Variants in MSRA observed in about 807,000 individuals in gnomAD.
The protein encoded by MSRA is mitochondrial peptide methionine sulfoxide reductase.
MSRA carries 54 observed loss-of-function variants against 31.3 expected under a neutral mutation model. The ratio of observed to expected loss-of-function variants is 1.73; its 90% CI spans 1.39 to 2.17. The LOEUF is 2.17. Among genes scored for constraint, MSRA ranks in the 30% most tolerant of loss-of-function variants. The pLI is 0.00. For missense variants in MSRA, 507 were observed against 300.9 expected (o/e 1.69, Z -5.07); for synonymous variants, 169 against 116.5 (o/e 1.45, Z -2.90).
At chr8:10,187,201 T>G (rs1486774581) in intron 1 of MSRA, among the ~76,000 whole-genome samples, 2 of 152,192 alleles carry the variant, frequency 1.3e-5, no homozygotes, top group African/African-American at 4.8e-5. Context: ...CCTTTGACAT[T>G]TGGTCTCCAC....
At chr8:10,184,749 A>G (rs753487836) in intron 1 of MSRA, among the ~76,000 whole-genome samples, 4 of 152,190 alleles carry the variant, frequency 2.6e-5, no homozygotes, top group Admixed American at 6.5e-5. Flanking sequence ...GAAGAGATCT[A>G]GATTCAGAAA....
intron 5 of MSRA, among the ~76,000 whole-genome samples, chr8:10,321,570 C>T (rs1373453835): frequency 6.6e-6 from 1 of 152,144 alleles, no homozygotes; most frequent in Non-Finnish European, 1.5e-5. Context: ...TGTAATTCAT[C>T]TCCTTGAATA....
intron 2 of MSRA, among the ~76,000 whole-genome samples, chr8:10,222,981 G>C (rs1039124893): frequency 6.6e-6 from 1 of 152,172 alleles, no homozygotes; most frequent in Admixed American, 6.5e-5. Flanking sequence ...ACATAACAGT[G>C]TTAAGTGTGT....
intron 3 of MSRA, chr8:10,250,320 G>T: frequency 1.5e-6 from 1 of 652,292 alleles, no homozygotes; most frequent in African/African-American, 1.8e-5. Flanking sequence ...AGCATTCTGG[G>T]TTAATTTCAG....
chr8:10,212,176 G>T (rs1422261968), intron 2 of MSRA, among the ~76,000 whole-genome samples: 1 of 150,952 alleles, frequency 6.6e-6, no homozygotes, highest in Non-Finnish European at 1.5e-5. Flanking sequence ...AACAGAGCGA[G>T]ACTCTGTCTA....
intron 2 of MSRA, among the ~76,000 whole-genome samples, chr8:10,233,631 A>G (rs1811684436): frequency 6.6e-6 from 1 of 152,248 alleles, no homozygotes; most frequent in Non-Finnish European, 1.5e-5. Flanking sequence ...TCTGATGCAC[A>G]TAGAGCAGGA....
chr8:10,337,734 C>T (rs1295136269), intron 5 of MSRA: 1 of 702,650 alleles, frequency 1.4e-6, no homozygotes, highest in Non-Finnish European at 2.6e-6. Flanking sequence ...TCTTCCTCAG[C>T]CATGCTGGGG....
Position 10,054,534 on chromosome 8 carries a change from G to A in MSRA, c.18G>A (p.Arg6=), listed in dbSNP as rs745513086. The A allele has an allele frequency of 1.3e-6, 2 of 1,585,410 alleles. No individual in the cohort carries two copies. Among genetic ancestry groups the A allele is most frequent in the Non-Finnish European group, 1.7e-6 (2 of 1,166,404 alleles). Residue 6 remains arginine (R), a synonymous_variant, in exon 1 of 6, where the codon CGG becomes CGA. Coordinates refer to ENST00000317173, the MANE Select transcript of MSRA (RefSeq NM_012331.5). ...GCCCTCCCATGCTCTCGGCCACCCG[G>A]AGGGCTTGCCAGCTCCTCCTCCTCC... The part of the protein sequence containing the change: MLSAT[R]RACQLLLLHS...
chr8:10,396,224 G>A (rs1341508697), intron 5 of MSRA, among the ~76,000 whole-genome samples: 3 of 152,204 alleles, frequency 2.0e-5, no homozygotes, highest in Non-Finnish European at 4.4e-5. Flanking sequence ...AGGAAGAAGC[G>A]TTTCCTGCAC....
chr8:10,336,282 C>T (rs990736325), intron 5 of MSRA, among the ~76,000 whole-genome samples: 1 of 151,970 alleles, frequency 6.6e-6, no homozygotes, highest in African/African-American at 2.4e-5. Context: ...AAAATAGGAC[C>T]TGATTGGAGG....
intron 3 of MSRA, among the ~76,000 whole-genome samples, chr8:10,259,076 C>T (rs1181877907): frequency 1.3e-5 from 2 of 149,928 alleles, no homozygotes; most frequent in Non-Finnish European, 3.0e-5. Context: ...CACTGCACTC[C>T]AGCTTGGGTG....
chr8:10,067,665 A>T (rs554642898), intron 1 of MSRA, among the ~76,000 whole-genome samples: 62 of 152,264 alleles, frequency 4.1e-4, no homozygotes, highest in African/African-American at 1.4e-3. Context: ...CTTGCTCCAC[A>T]TCCTTCCCGG....
chr8:10,207,832 GC>G lies in MSRA; in HGVS notation c.144del (p.Lys49AsnfsTer37), dbSNP rs1809130123. On this transcript the variant is annotated frameshift_variant and splice_region_variant, in exon 2 of 6. Coordinates refer to ENST00000317173, the MANE Select transcript of MSRA (RefSeq NM_012331.5). LOFTEE classifies it high-confidence loss of function. ...PGRKEQTPVA[A>X]KHHVNGNRTV... ...TTGCATTTCTTTTTTTTTTTTTCTA[GC>G]CAAACATCATGTCAATGGCAACAGA... is the stretch of plus-strand genomic sequence containing the variant. 6.3e-7 allele frequency: 1 copy of G among 1,590,176 alleles called. No individual in the cohort carries two copies. The highest frequency in any genetic ancestry group is 1.4e-5 in the African/African-American group (1 of 72,694).
chr8:10,143,961 C>T (rs928786268), intron 1 of MSRA, among the ~76,000 whole-genome samples: 3 of 152,138 alleles, frequency 2.0e-5, no homozygotes, highest in East Asian at 1.9e-4. Context: ...GAGACCAAGA[C>T]GCCACTCCTG....
intron 3 of MSRA, among the ~76,000 whole-genome samples, chr8:10,264,427 GT>G (rs1338494067): frequency 1.2e-4 from 18 of 152,212 alleles, no homozygotes; most frequent in African/African-American, 4.1e-4. Flanking sequence ...CTTTTCAGAA[GT>G]TTAGCATTGA....
At chr8:10,280,234 A>G (rs1481614897) in intron 3 of MSRA, among the ~76,000 whole-genome samples, 3 of 151,614 alleles carry the variant, frequency 2.0e-5, no homozygotes, top group East Asian at 1.9e-4. Context: ...GAACCTTTCT[A>G]TAAAGTGTTC....
intron 1 of MSRA, among the ~76,000 whole-genome samples, chr8:10,118,315 G>A (rs918520091): frequency 1.6e-4 from 25 of 152,064 alleles, no homozygotes; most frequent in African/African-American, 4.6e-4. Flanking sequence ...TGTTAGCTGC[G>A]TGCAGTGAAC....
chr8:10,427,894 G>C lies in MSRA; in HGVS notation c.544-254G>C, dbSNP rs555853241. Among the ~76,000 whole-genome samples, 142 of 152,310 alleles carry C rather than the reference G, an allele frequency of 9.3e-4. 2 individuals carry two copies. The South Asian group carries it at 0.028, about 30-fold the overall frequency. On this transcript the variant is annotated intron_variant, in intron 5 of 5. Coordinates refer to ENST00000317173, the MANE Select transcript of MSRA (RefSeq NM_012331.5). ...TGCACTTGGGATGGCAGGGGTGTGG[G>C]GGTAGAGTGTAAGTTACTGATTTAA...
intron 2 of MSRA, among the ~76,000 whole-genome samples, chr8:10,226,744 G>A (rs1376072784): frequency 3.3e-5 from 5 of 152,022 alleles, no homozygotes; most frequent in Non-Finnish European, 5.9e-5. Context: ...TTTTGTTTTT[G>A]TTAAGGCTTT....
Sources: allele counts gnomAD v4.1 joint callset (sites outside exome capture counted in the v4.1 genomes callset), GRCh38; gene constraint gnomAD v4.1.1; transcripts MANE v1.5; gene names NCBI Gene and HGNC (gene_info 2026-07-23, HGNC 2026-07-21).